EYA2: variants seen among roughly 807,000 people sequenced by gnomAD.
EYA2 encodes EYA transcriptional coactivator and phosphatase 2.
A neutral mutation model predicts 69.2 loss-of-function variants in EYA2; 31 were observed. The observed-to-expected ratio is 0.45, with a 90% CI of 0.34 to 0.60. The LOEUF (loss-of-function observed/expected upper bound fraction) is 0.60, where lower values mean the gene tolerates loss of function less well. Among genes scored for constraint, EYA2 ranks in the 20% least tolerant of loss-of-function variants. The probability of loss-of-function intolerance (pLI) is 0.02; values close to 1 mark genes in which losing one functional copy is unlikely to be tolerated. For missense variants in EYA2, 622 were observed against 701.2 expected (o/e 0.89, Z 1.28); for synonymous variants, 257 against 279.4 (o/e 0.92, Z 0.80).
intron 1 of EYA2, among the ~76,000 whole-genome samples, chr20:46,976,012 T>C (rs1181015049): frequency 1.3e-5 from 2 of 152,204 alleles, no homozygotes; most frequent in Admixed American, 1.3e-4. Flanking sequence ...CTCAGTCCGC[T>C]TGGCTGAAGG....
intron 9 of EYA2, among the ~76,000 whole-genome samples, chr20:47,141,755 T>C (rs981660077): frequency 1.3e-5 from 2 of 152,154 alleles, no homozygotes; most frequent in African/African-American, 2.4e-5. Context: ...AGAGAGTGCA[T>C]GGGGAAGTGT....
At chr20:47,052,559 G>A (rs1200231554) in intron 5 of EYA2, among the ~76,000 whole-genome samples, 2 of 152,228 alleles carry the variant, frequency 1.3e-5, no homozygotes, top group Non-Finnish European at 2.9e-5. Context: ...GAGATTTGCA[G>A]TGCCCTTTTG....
intron 5 of EYA2, among the ~76,000 whole-genome samples, chr20:47,057,700 G>C (rs1158374241): frequency 1.3e-5 from 2 of 152,220 alleles, no homozygotes; most frequent in Admixed American, 6.5e-5. Flanking sequence ...GTGGAAGGGG[G>C]GATGTCTGTT....
Position 47,183,363 on chromosome 20 carries a change from G to T in EYA2, c.1508G>T (p.Gly503Val). ...RKAVYVVIGD[G>V]VEEEQGAKKH... is the part of the protein sequence containing the mutation. ...GCTGTCTACGTGGTGATCGGTGATG[G>T]TGTGGAAGAGGAGCAAGGAGCGAAA... The change falls in exon 15 of 16, where the codon GGT (glycine) becomes GTT (valine). Residue 503 changes from glycine (G) to valine (V), a missense_variant. Gly to Val is a moderately radical substitution (Grantham distance 109). This residue lies in a region of EYA2 where 257 missense variants were observed against 351.5 expected (regional missense o/e 0.73). Coordinates refer to ENST00000327619, the MANE Select transcript of EYA2 (RefSeq NM_005244.5). 6.2e-7 allele frequency: 1 copy of T among 1,614,128 alleles called. No homozygotes were observed. Among genetic ancestry groups the T allele is most frequent in the Non-Finnish European group, 8.5e-7 (1 of 1,180,010 alleles).
intron 9 of EYA2, among the ~76,000 whole-genome samples, chr20:47,110,550 T>C (rs566006970): frequency 6.6e-6 from 1 of 152,266 alleles, no homozygotes; most frequent in East Asian, 1.9e-4. Flanking sequence ...ACGTAACATG[T>C]CCCTAGTGAT....
intron 5 of EYA2, among the ~76,000 whole-genome samples, chr20:47,046,523 G>T (rs577569637): frequency 6.6e-6 from 1 of 152,214 alleles, no homozygotes. Flanking sequence ...AGAATTCCCA[G>T]CCCTCATCCT....
intron 5 of EYA2, among the ~76,000 whole-genome samples, chr20:47,054,187 T>C (rs968528720): frequency 2.6e-5 from 4 of 152,150 alleles, no homozygotes; most frequent in Non-Finnish European, 5.9e-5. Context: ...TCATGGAGAT[T>C]GTGAGGCACT....
At chr20:47,066,413 G>T (rs2031110878) in intron 5 of EYA2, among the ~76,000 whole-genome samples, 1 of 152,122 alleles carries the variant, frequency 6.6e-6, no homozygotes, top group African/African-American at 2.4e-5. Flanking sequence ...AACCAAAAAT[G>T]GTAGCAGTTC....
intron 10 of EYA2, among the ~76,000 whole-genome samples, chr20:47,166,617 G>C (rs34828245): frequency 0.019 from 2,881 of 151,766 alleles, 101 homozygotes; most frequent in African/African-American, 0.066. Context: ...CAGCTGCCTC[G>C]AGAAATCACC....
At chr20:47,013,981 C>A (rs534326496) in intron 4 of EYA2, among the ~76,000 whole-genome samples, 152 of 152,256 alleles carry the variant, frequency 1.0e-3, no homozygotes, top group Non-Finnish European at 1.7e-3. Context: ...TTGCTAGACC[C>A]CAGTCCAATG....
At chr20:47,137,676 T>A (rs2033507169) in intron 9 of EYA2, among the ~76,000 whole-genome samples, 1 of 152,200 alleles carries the variant, frequency 6.6e-6, no homozygotes, top group Non-Finnish European at 1.5e-5. Context: ...AACTGATGGC[T>A]TTTGTCTTGT....
chr20:47,006,728 C>T (rs1982739268), intron 4 of EYA2, among the ~76,000 whole-genome samples: 1 of 152,094 alleles, frequency 6.6e-6, no homozygotes, highest in South Asian at 2.1e-4. Context: ...CTGCCTAAAA[C>T]CGATGATCAG....
chr20:47,083,605 A>G (rs115704097), intron 7 of EYA2, among the ~76,000 whole-genome samples: 1,869 of 151,720 alleles, frequency 0.012, 44 homozygotes, highest in African/African-American at 0.043. Context: ...TCGTGGAACA[A>G]CTGATTATCT....
intron 1 of EYA2, among the ~76,000 whole-genome samples, chr20:46,908,557 A>G (rs1055270514): frequency 2.6e-5 from 4 of 152,234 alleles, no homozygotes; most frequent in East Asian, 3.8e-4. Context: ...TTCAAAGTAC[A>G]TAGAGCCTAA....
At chr20:47,065,404 T>C (rs904811945) in intron 5 of EYA2, among the ~76,000 whole-genome samples, 1 of 152,132 alleles carries the variant, frequency 6.6e-6, no homozygotes, top group Non-Finnish European at 1.5e-5. Flanking sequence ...AAGTGGTCCC[T>C]GGGAGTGGAG....
At chr20:47,164,078 T>C (rs997808928) in intron 10 of EYA2, among the ~76,000 whole-genome samples, 1 of 152,130 alleles carries the variant, frequency 6.6e-6, no homozygotes, top group Admixed American at 6.5e-5. Context: ...TGTGGACAAG[T>C]CTCCCCTCTG....
intron 9 of EYA2, among the ~76,000 whole-genome samples, chr20:47,135,818 C>CGAAAAAAAA (rs2033449844): frequency 3.0e-5 from 1 of 33,264 alleles, no homozygotes; most frequent in Non-Finnish European, 5.5e-5. Context: ...CCTGTCTCTA[C>CGAAAAAAAA]AAAAAAAAAA....
intron 1 of EYA2, among the ~76,000 whole-genome samples, chr20:46,969,907 G>A (rs1191253028): frequency 6.6e-6 from 1 of 152,170 alleles, no homozygotes; most frequent in Non-Finnish European, 1.5e-5. Context: ...ATGTAAGGGG[G>A]TGAAGGGGCA....
chr20:47,179,958 C>A (rs1159927984), intron 13 of EYA2, 46 bp downstream of exon 13: 3 of 1,392,742 alleles, frequency 2.2e-6, no homozygotes, highest in African/African-American at 2.8e-5. Context: ...AACTTTCTCG[C>A]AGTAGACAGT....
Sources: gnomAD v4.1 joint callset for allele counts (sites outside exome capture counted in the v4.1 genomes callset) on GRCh38, gnomAD v4.1.1 for gene constraint, gnomAD v4.1.1 regional missense constraint, MANE v1.5 for transcripts, NCBI Gene and HGNC (gene_info 2026-07-23, HGNC 2026-07-21) for gene names.